The following LMNB1 variants were observed in gnomAD, a reference collection of about 807,000 sequenced individuals.
LMNB1 encodes lamin B1.
Under a neutral mutation model 67.1 loss-of-function variants are expected in LMNB1, and 23 were observed. The ratio of observed to expected loss-of-function variants is 0.34; its 90% CI spans 0.25 to 0.49. The LOEUF is 0.49. Ranked by LOEUF, LMNB1 falls within the 20% of genes least tolerant of loss-of-function variation. LMNB1 has a pLI of 0.99. For synonymous variants in LMNB1, 281 were observed against 282.9 expected, an observed-to-expected ratio of 0.99 and a Z score of 0.07; for missense variants, 634 against 746.5, an observed-to-expected ratio of 0.85 and a Z score of 1.76.
chr5:126,788,905 GTT>G (rs35987371), intron 1 of LMNB1, among the ~76,000 whole-genome samples: 19 of 143,834 alleles, frequency 1.3e-4, no homozygotes, highest in African/African-American at 1.8e-4. Flanking sequence ...TGTTTTTTTT[GTT>G]TTTTTTTTTT....
intron 10 of LMNB1, among the ~76,000 whole-genome samples, chr5:126,833,830 G>A (rs368601839): frequency 1.8e-4 from 28 of 152,364 alleles, no homozygotes; most frequent in African/African-American, 6.3e-4. Flanking sequence ...AACTCTGTGA[G>A]GTGATGCTTG....
chr5:126,780,812 A>T (rs2112917175), intron 1 of LMNB1, among the ~76,000 whole-genome samples: 1 of 152,190 alleles, frequency 6.6e-6, no homozygotes, highest in Non-Finnish European at 1.5e-5. Flanking sequence ...TTGAATTAGG[A>T]CTTTTTTTAT....
chr5:126,795,145 T>TTTTTTTTTTTTTTA (rs1554113293), intron 1 of LMNB1, among the ~76,000 whole-genome samples: 1 of 150,274 alleles, frequency 6.7e-6, no homozygotes, highest in Non-Finnish European at 1.5e-5. Context: ...TTTTTTTTTT[T>TTTTTTTTTTTTTTA]AAATAAGGAT....
chr5:126,805,713 T>C lies in LMNB1; in HGVS notation c.642+17T>C. On this transcript the variant is annotated intron_variant, in intron 3 of 10. Coordinates refer to ENST00000261366, the MANE Select transcript of LMNB1 (RefSeq NM_005573.4). ...TATGAAGAGGTAACTATATATAATTTTGCTTTGTAAAGGAATGGAGGGGTT... is the reference window on the plus strand; with the variant it reads ...TATGAAGAGGTAACTATATATAATTCTGCTTTGTAAAGGAATGGAGGGGTT... 1 of 1,584,626 alleles carries C rather than the reference T, an allele frequency of 6.3e-7. No homozygotes were observed. The highest frequency in any genetic ancestry group is 2.2e-5 in the East Asian group (1 of 44,564).
chr5:126,778,239 G>A (rs1468081295), intron 1 of LMNB1, among the ~76,000 whole-genome samples: 2 of 151,904 alleles, frequency 1.3e-5, no homozygotes, highest in Non-Finnish European at 2.9e-5. Flanking sequence ...GCTGGAGCGC[G>A]AGCGCGCGCT....
At chr5:126,809,165 G>A (rs985667743) in intron 3 of LMNB1, among the ~76,000 whole-genome samples, 5 of 152,122 alleles carry the variant, frequency 3.3e-5, no homozygotes, top group Admixed American at 1.3e-4. Flanking sequence ...GTGAGCCACC[G>A]CGCCCAGCCT....
At chr5:126,791,513 A>G (rs1008251784) in intron 1 of LMNB1, among the ~76,000 whole-genome samples, 2 of 151,836 alleles carry the variant, frequency 1.3e-5, no homozygotes, top group African/African-American at 4.9e-5. Context: ...GCTGGAGTGC[A>G]GTGGCATGAT....
At chr5:126,810,030 A>C in intron 3 of LMNB1, 150 bp from the exon 4 acceptor site, 1 of 543,670 alleles carries the variant, frequency 1.8e-6, no homozygotes, top group South Asian at 3.6e-5. Context: ...GAAAACTAAG[A>C]GGCAAAAAAG....
chr5:126,788,495 G>T (rs1750866976), intron 1 of LMNB1, among the ~76,000 whole-genome samples: 1 of 152,152 alleles, frequency 6.6e-6, no homozygotes. Context: ...AAATTAGCCA[G>T]GCGTGGTTGC....
At chr5:126,805,489 T>C in intron 2 of LMNB1, 82 bp from the exon 3 acceptor site, 1 of 918,268 alleles carries the variant, frequency 1.1e-6, no homozygotes, top group African/African-American at 1.7e-5. Flanking sequence ...ACACTTGATT[T>C]GATTTGATTC....
Position 126,826,174 on chromosome 5 carries a change from C to T in LMNB1, c.1611+67C>T, listed in dbSNP as rs373714640. 3.3e-6 allele frequency: 5 copies of T among 1,526,338 alleles called. No individual in the cohort carries two copies. In the East Asian group the frequency reaches 6.8e-5, roughly 21 times the overall value. 94.5% of individuals were successfully genotyped at this position (1,526,338 alleles called of 1,614,324 possible). On this transcript the variant is annotated intron_variant, in intron 9 of 10. Coordinates refer to ENST00000261366, the MANE Select transcript of LMNB1 (RefSeq NM_005573.4). Reference sequence around the variant, plus strand: ...TTAAAGTTCACTGTGCAAGTATAATCAAGATCAGATTGAAACGTGCAATAA... The same window carrying T: ...TTAAAGTTCACTGTGCAAGTATAATTAAGATCAGATTGAAACGTGCAATAA...
intron 3 of LMNB1, among the ~76,000 whole-genome samples, chr5:126,808,990 C>A (rs1751522023): frequency 6.6e-6 from 1 of 152,030 alleles, no homozygotes; most frequent in Non-Finnish European, 1.5e-5. Flanking sequence ...ATTCTCCCAT[C>A]TCAGCCTCCT....
chr5:126,796,786 C>CTTTTTT (rs34534973), intron 1 of LMNB1, among the ~76,000 whole-genome samples: 11 of 118,736 alleles, frequency 9.3e-5, no homozygotes, highest in Admixed American at 1.8e-4. Flanking sequence ...TTTTTTCTTT[C>CTTTTTT]TTTTTTTTTT....
chr5:126,788,870 G>A (rs1303895053), intron 1 of LMNB1, among the ~76,000 whole-genome samples: 1 of 150,684 alleles, frequency 6.6e-6, no homozygotes, highest in Non-Finnish European at 1.5e-5. Flanking sequence ...TGTTGGCAGT[G>A]AAGGGAAGGA....
intron 6 of LMNB1, among the ~76,000 whole-genome samples, chr5:126,820,312 C>T (rs941849950): frequency 3.3e-5 from 5 of 152,092 alleles, no homozygotes; most frequent in Non-Finnish European, 7.4e-5. Context: ...GGTGGTAGAT[C>T]AGATGACTTT....
At chr5:126,790,155 G>A (rs748294729) in intron 1 of LMNB1, among the ~76,000 whole-genome samples, 3 of 152,086 alleles carry the variant, frequency 2.0e-5, no homozygotes, top group African/African-American at 7.2e-5. Flanking sequence ...AGACTGGAGA[G>A]TAGTGAGTGG....
chr5:126,808,092 G>A (rs564369605), intron 3 of LMNB1, among the ~76,000 whole-genome samples: 5 of 151,810 alleles, frequency 3.3e-5, no homozygotes, highest in South Asian at 2.1e-4. Context: ...GGCTGGTCTC[G>A]AACTCCTGAA....
intron 3 of LMNB1, among the ~76,000 whole-genome samples, chr5:126,809,593 A>C: frequency 6.6e-6 from 1 of 152,180 alleles, no homozygotes; most frequent in East Asian, 1.9e-4. Flanking sequence ...AGGCTGATGC[A>C]GGAGAATTGC....
chr5:126,794,990 T>G (rs1294526385), intron 1 of LMNB1, among the ~76,000 whole-genome samples: 4 of 152,208 alleles, frequency 2.6e-5, no homozygotes, highest in African/African-American at 9.7e-5. Flanking sequence ...TATTTTGTAA[T>G]GAGCTTCAGA....
Sources: allele counts gnomAD v4.1 joint callset (sites outside exome capture counted in the v4.1 genomes callset), GRCh38; gene constraint gnomAD v4.1.1; transcripts MANE v1.5; gene names NCBI Gene and HGNC (gene_info 2026-07-23, HGNC 2026-07-21).